SNX29: variants seen among roughly 807,000 people sequenced by gnomAD.
The protein encoded by SNX29 is sorting nexin-29.
In SNX29, 78 loss-of-function variants were observed where a neutral mutation model predicts 102.1. The observed-to-expected ratio is 0.76, with a 90% CI of 0.64 to 0.92. SNX29 has a LOEUF of 0.92. SNX29 is among the 40% of genes least tolerant of loss of function. The pLI is 0.00. For synonymous variants in SNX29, 580 were observed against 414.5 expected, an observed-to-expected ratio of 1.40 and a Z score of -4.85; for missense variants, 1,280 against 1,061.7, an observed-to-expected ratio of 1.21 and a Z score of -2.86.
At chr16:12,115,161 C>A (rs116130354) in intron 11 of SNX29, among the ~76,000 whole-genome samples, 2 of 152,202 alleles carry the variant, frequency 1.3e-5, no homozygotes, top group African/African-American at 4.8e-5. Flanking sequence ...AGCTGAAGTC[C>A]GTCCCTCCCC....
At chr16:12,566,107 C>T (rs911553715) in intron 20 of SNX29, among the ~76,000 whole-genome samples, 4 of 152,238 alleles carry the variant, frequency 2.6e-5, no homozygotes, top group Admixed American at 2.0e-4. Flanking sequence ...AACCACCCCA[C>T]CTTTATTCTG....
chr16:12,243,835 C>T (rs374528790), intron 14 of SNX29, among the ~76,000 whole-genome samples: 44 of 152,262 alleles, frequency 2.9e-4, no homozygotes, highest in African/African-American at 5.8e-4. Context: ...GAGACTCATG[C>T]GGATTAAGTA....
At chr16:12,554,952 A>AC (rs1168742269) in intron 20 of SNX29, among the ~76,000 whole-genome samples, 2 of 149,016 alleles carry the variant, frequency 1.3e-5, no homozygotes, top group Non-Finnish European at 2.9e-5. Flanking sequence ...TCTGGAGAAA[A>AC]CAATGGAGGT....
At chr16:12,564,545 T>C (rs1224031169) in intron 20 of SNX29, among the ~76,000 whole-genome samples, 6 of 152,214 alleles carry the variant, frequency 3.9e-5, no homozygotes, top group Non-Finnish European at 8.8e-5. Flanking sequence ...AGTTAAGGCC[T>C]TTGGCAACCC....
intron 20 of SNX29, chr16:12,527,019 G>T (rs2076802647): frequency 2.5e-6 from 1 of 401,078 alleles, no homozygotes; most frequent in Non-Finnish European, 4.7e-6. Flanking sequence ...GTGGGAGACT[G>T]TGGCAAATGA....
rs571279061 is a variant in SNX29 at position 12,473,457 on chromosome 16, C to T, written c.2038-4262C>T. ...GGGGAACGAGGCAAGGGCTTCTGGT[C>T]CCAGCTACCCACATTGCTGGCCTGG... On this transcript the variant is annotated intron_variant, in intron 18 of 20. Coordinates refer to ENST00000566228, the MANE Select transcript of SNX29 (RefSeq NM_032167.5). Among the ~76,000 whole-genome samples the T allele has an allele frequency of 3.7e-4, 57 of 152,256 alleles. 1 individual carries two copies. In the South Asian group the frequency reaches 0.011, roughly 30 times the overall value.
chr16:12,383,818 T>A, intron 16 of SNX29, among the ~76,000 whole-genome samples: 1 of 151,134 alleles, frequency 6.6e-6, no homozygotes, highest in Middle Eastern at 3.2e-3. Flanking sequence ...TCTTATTCAT[T>A]CTTGCTATTT....
At chr16:12,174,538 C>T (rs1428623814) in intron 13 of SNX29, among the ~76,000 whole-genome samples, 2 of 152,202 alleles carry the variant, frequency 1.3e-5, no homozygotes, top group Non-Finnish European at 2.9e-5. Context: ...GCCAACTCTG[C>T]AGCGGCATTA....
At chr16:12,538,086 A>G (rs1445323986) in intron 20 of SNX29, among the ~76,000 whole-genome samples, 3 of 151,544 alleles carry the variant, frequency 2.0e-5, no homozygotes, top group African/African-American at 4.9e-5. Flanking sequence ...TCAGTGGGCT[A>G]AGCAAATTCA....
chr16:12,555,472 T>C (rs142208103), intron 20 of SNX29, among the ~76,000 whole-genome samples: 2,307 of 151,936 alleles, frequency 0.015, 55 homozygotes, highest in African/African-American at 0.052. Flanking sequence ...TTGACATGTC[T>C]GAGGACGTCT....
At chr16:12,440,909 C>T (rs2085771152) in intron 18 of SNX29, among the ~76,000 whole-genome samples, 1 of 152,086 alleles carries the variant, frequency 6.6e-6, no homozygotes, top group Non-Finnish European at 1.5e-5. Flanking sequence ...ATGTGCTAAG[C>T]ATGTGTCTTT....
At chr16:12,118,821 C>T (rs1409122471) in intron 11 of SNX29, among the ~76,000 whole-genome samples, 6 of 152,088 alleles carry the variant, frequency 3.9e-5, no homozygotes, top group African/African-American at 7.2e-5. Flanking sequence ...TTAGTCACTT[C>T]GAGGCTGCTG....
chr16:12,349,619 A>C (rs1025558410), intron 15 of SNX29, among the ~76,000 whole-genome samples: 1 of 152,194 alleles, frequency 6.6e-6, no homozygotes. Flanking sequence ...CCAAAATCCA[A>C]AAAATTCAAA....
At chr16:12,382,153 G>A (rs747621951) in intron 16 of SNX29, among the ~76,000 whole-genome samples, 4 of 152,054 alleles carry the variant, frequency 2.6e-5, no homozygotes, top group Non-Finnish European at 5.9e-5. Context: ...ATTCATTCAG[G>A]AGGTATTTGC....
intron 15 of SNX29, among the ~76,000 whole-genome samples, chr16:12,295,447 A>G (rs1039017519): frequency 6.6e-6 from 1 of 152,116 alleles, no homozygotes; most frequent in African/African-American, 2.4e-5. Context: ...AACTCTCACA[A>G]CTTCCTTTGT....
At chr16:12,076,665 C>T (rs750663275) in intron 10 of SNX29, among the ~76,000 whole-genome samples, 10 of 152,262 alleles carry the variant, frequency 6.6e-5, no homozygotes, top group Non-Finnish European at 1.5e-4. Context: ...GGTGGCAGAA[C>T]TGAAATGGAC....
intron 20 of SNX29, among the ~76,000 whole-genome samples, chr16:12,543,419 G>A (rs1323354361): frequency 1.3e-5 from 2 of 152,198 alleles, no homozygotes; most frequent in Non-Finnish European, 2.9e-5. Context: ...ACTGAAAGGA[G>A]AGAAAGTGGG....
At chr16:12,451,806 G>C (rs530085373) in intron 18 of SNX29, among the ~76,000 whole-genome samples, 1 of 152,378 alleles carries the variant, frequency 6.6e-6, no homozygotes, top group South Asian at 2.1e-4. Context: ...AGAAGTTGCA[G>C]TGAGCCCAGA....
intron 3 of SNX29, among the ~76,000 whole-genome samples, chr16:12,023,802 T>C (rs1440817259): frequency 4.6e-5 from 7 of 152,192 alleles, no homozygotes; most frequent in African/African-American, 1.4e-4. Context: ...AGTAGATTCC[T>C]GTGCTTGGAC....
Sources: gnomAD v4.1 joint callset for allele counts (sites outside exome capture counted in the v4.1 genomes callset) on GRCh38, gnomAD v4.1.1 for gene constraint, MANE v1.5 for transcripts, NCBI Gene and HGNC (gene_info 2026-07-23, HGNC 2026-07-21) for gene names.